Variants in CFAP65 observed in about 807,000 individuals in gnomAD.
The protein encoded by CFAP65 is cilia and flagella associated protein 65.
CFAP65 carries 155 observed loss-of-function variants against 208.0 expected under a neutral mutation model. The observed-to-expected ratio is 0.75, with a 90% CI of 0.65 to 0.85. CFAP65 has a LOEUF of 0.85. Among genes scored for constraint, CFAP65 ranks in the 40% least tolerant of loss-of-function variants. The probability of loss-of-function intolerance (pLI) is 0.00; values close to 1 mark genes in which losing one functional copy is unlikely to be tolerated. For missense variants in CFAP65, 2,294 were observed against 2,451.3 expected (o/e 0.94, Z 1.36); for synonymous variants, 970 against 986.3 (o/e 0.98, Z 0.31).
intron 15 of CFAP65, 67 bp from the exon 16 acceptor site, chr2:219,023,498 C>G: frequency 8.4e-7 from 1 of 1,196,340 alleles, no homozygotes; most frequent in Non-Finnish European, 1.2e-6. Flanking sequence ...CACAACATGT[C>G]CAGGAAGCCA....
rs1455346095 is a variant in CFAP65 at position 219,031,380 on chromosome 2, C to A, written c.816-75G>T. 1.2e-6 allele frequency: 2 copies of A among 1,603,752 alleles called. No individual in the cohort carries two copies. Among genetic ancestry groups the A allele is most frequent in the African/African-American group, 2.7e-5 (2 of 74,880 alleles). On this transcript the variant is annotated intron_variant, in intron 7 of 34. Coordinates refer to ENST00000341552, the MANE Select transcript of CFAP65 (RefSeq NM_194302.4). This position sits in a 1 kb window ranked among gnomAD's most constrained non-coding sequence, Gnocchi z 5.2. ...GCAGTAGCAAGTCAGGGATGCTGGG[C>A]AGAACCTCAGACTACCCTACCCCGA...
In CFAP65 at chr2:219,024,304, C is replaced by T. The variant is rs374287811; in HGVS notation, c.2350-44G>A. The T allele has an allele frequency of 6.4e-6, 10 of 1,572,376 alleles. No homozygotes were observed. In the Admixed American group the frequency reaches 1.6e-4, roughly 25 times the overall value. The stretch of plus-strand genomic sequence containing the variant: ...GAAAGCGGCCCCCCGCTCAGACCTC[C>T]ACCCTGGGACACACACTCAGGGCCC... On this transcript the variant is annotated intron_variant, in intron 14 of 34. Coordinates refer to ENST00000341552, the MANE Select transcript of CFAP65 (RefSeq NM_194302.4).
At chr2:219,015,874 G>A (rs987883796) in intron 21 of CFAP65, among the ~76,000 whole-genome samples, 19 of 152,132 alleles carry the variant, frequency 1.2e-4, no homozygotes, top group African/African-American at 4.1e-4. Context: ...AAAAGAATGC[G>A]TTAGATATAT....
rs1574539133 is a variant in CFAP65 at position 219,010,666 on chromosome 2, G to A, written c.4188C>T (p.Ala1396=). The change falls in exon 26 of 35, where the codon GCC becomes GCT. Residue 1396 remains alanine (A), a synonymous_variant. Coordinates refer to ENST00000341552, the MANE Select transcript of CFAP65 (RefSeq NM_194302.4). ...AGCCCACTCCCTGGAAGTGGATGAG[G>A]GCCGAGTTCCATCCCAGGATGTGTA... is the stretch of plus-strand genomic sequence containing the variant. The part of the protein sequence containing the change: ...VPIHILGWNS[A]LIHFQGVGYN... 1 of 1,610,532 alleles carries A rather than the reference G, an allele frequency of 6.2e-7. No individual in the cohort carries two copies. The highest frequency in any genetic ancestry group is 8.5e-7 in the Non-Finnish European group (1 of 1,178,920).
intron 4 of CFAP65, among the ~76,000 whole-genome samples, 160 bp from the exon 5 acceptor site, chr2:219,035,824 T>A (rs1031346759): frequency 1.3e-5 from 2 of 151,992 alleles, no homozygotes; most frequent in Admixed American, 1.3e-4. Flanking sequence ...CCCTTGGGGA[T>A]GGTCTGGAGA....
chr2:219,006,365 T>C lies in CFAP65; in HGVS notation c.4719+100A>G. ...CACTCATTGGCACTTTCATCCCTCC[T>C]TTCTGGGAGTCTGGTCCAGGGGTTG... On this transcript the variant is annotated intron_variant, in intron 30 of 34. Coordinates refer to ENST00000341552, the MANE Select transcript of CFAP65 (RefSeq NM_194302.4). The C allele has an allele frequency of 3.3e-6, 5 of 1,527,994 alleles. No homozygotes were observed. The South Asian group carries it at 3.4e-5, about 10-fold the overall frequency. The allele number at this position is 1,527,994 out of a possible 1,614,324, so 94.7% of individuals were successfully genotyped here.
In CFAP65 at chr2:219,032,320, C is replaced by T; in HGVS notation, c.645+150G>A. 1.6e-6 allele frequency: 1 copy of T among 621,222 alleles called. No homozygotes were observed. The highest frequency in any genetic ancestry group is 2.8e-6 in the Non-Finnish European group (1 of 358,272). The allele number at this position is 621,222 out of a possible 1,614,324, so 38.5% of individuals were successfully genotyped here. ...CTGTCTAATGAGATGAGGGGCTAAG[C>T]CCTTGACGGGGCCTCCCAAGCTGGA... On this transcript the variant is annotated intron_variant, in intron 6 of 34. Transcript: ENST00000341552. The surrounding 1 kb of genome is among the most constrained non-coding windows in gnomAD (Gnocchi z 5.5).
rs753249189 is a variant in CFAP65 at position 219,032,884 on chromosome 2, G to A, written c.543-312C>T. ...GGGTTACCCAGATTTTAAAGAGTCC[G>A]CAAGCACTGAGGTGGGGGAACCAAG... On this transcript the variant is annotated intron_variant, in intron 5 of 34. Coordinates refer to ENST00000341552, the MANE Select transcript of CFAP65 (RefSeq NM_194302.4). This position sits in a 1 kb window ranked among gnomAD's most constrained non-coding sequence, Gnocchi z 5.5. 6.6e-6 allele frequency among the ~76,000 whole-genome samples: 1 copy of A among 152,132 alleles called. No individual in the cohort carries two copies. Among genetic ancestry groups the A allele is most frequent in the Admixed American group, 6.5e-5 (1 of 15,278 alleles).
chr2:219,027,661 C>T lies in CFAP65; in HGVS notation c.2200G>A (p.Ala734Thr), dbSNP rs752227403. 11 of 1,613,818 alleles carry T rather than the reference C, an allele frequency of 6.8e-6. No homozygotes were observed. Among genetic ancestry groups the T allele is most frequent in the Admixed American group, 1.7e-5 (1 of 60,022 alleles). The change falls in exon 13 of 35, where the codon GCC becomes ACC. Residue 734 changes from alanine to threonine, a missense_variant. By Grantham distance (58) the Ala-to-Thr change is moderately conservative (BLOSUM62 0). Coordinates refer to ENST00000341552, the MANE Select transcript of CFAP65 (RefSeq NM_194302.4). ...CLYTVELEAF[A>T]IYKVLQSYSN... ...TTGCGTGCACACACCTTATAGATGG[C>T]GAAGGCTTCGAGCTCCACCGTGTAA... is the stretch of plus-strand genomic sequence containing the variant.
chr2:219,021,488 CT>C (rs1164467969), intron 18 of CFAP65, among the ~76,000 whole-genome samples: 1 of 152,190 alleles, frequency 6.6e-6, no homozygotes, highest in Non-Finnish European at 1.5e-5. Context: ...TTTTCCCCAC[CT>C]AGCAGCCCTG....
intron 27 of CFAP65, 140 bp downstream of exon 27, chr2:219,009,802 G>T: frequency 1.9e-6 from 1 of 528,258 alleles, no homozygotes; most frequent in Admixed American, 4.5e-5. Context: ...AGGGTGGGAT[G>T]GGATGGAGTG....
intron 5 of CFAP65, chr2:219,035,113 A>C (rs1400756315): frequency 8.4e-6 from 4 of 475,702 alleles, no homozygotes; most frequent in African/African-American, 8.0e-5. Flanking sequence ...AAAAAAAAAA[A>C]AAACCTTCAT....
At chr2:219,013,412 G>C in intron 23 of CFAP65, 43 bp from the exon 24 acceptor site, 1 of 1,552,010 alleles carries the variant, frequency 6.4e-7, no homozygotes, top group Non-Finnish European at 8.8e-7. Context: ...ACAGCCAGTG[G>C]AGATCTGGAC....
intron 14 of CFAP65, among the ~76,000 whole-genome samples, chr2:219,024,801 T>G (rs1401789720): frequency 6.6e-6 from 1 of 152,090 alleles, no homozygotes; most frequent in Non-Finnish European, 1.5e-5. Context: ...CCAGTTGTAG[T>G]GGCGTGCATC....
chr2:219,019,479 C>G lies in CFAP65; in HGVS notation c.3473+27G>C, dbSNP rs370399827. 4.2e-4 allele frequency: 672 copies of G among 1,590,650 alleles called. 1 individual carries two copies. The highest frequency in any genetic ancestry group is 5.4e-4 in the Non-Finnish European group (628 of 1,165,254). On this transcript the variant is annotated intron_variant, in intron 20 of 34. Coordinates refer to ENST00000341552, the MANE Select transcript of CFAP65 (RefSeq NM_194302.4). ...CCCTAGATAGGCCCTGCCCCCAGCC[C>G]CCACCCCCACTCCAGGCTCAGCTCA... is the stretch of plus-strand genomic sequence containing the variant.
rs1346916488 is a variant in CFAP65 at position 219,023,429 on chromosome 2, C to A, written c.2598G>T (p.Glu866Asp). The A allele has an allele frequency of 9.6e-6, 15 of 1,564,964 alleles. No homozygotes were observed. Among genetic ancestry groups the A allele is most frequent in the Admixed American group, 1.9e-5 (1 of 51,332 alleles). The change falls in exon 16 of 35, where the codon GAG becomes GAT. Residue 866 changes from glutamate (E) to aspartate (D), a missense_variant and splice_region_variant. Glu to Asp is a conservative substitution (Grantham distance 45, BLOSUM62 2). Coordinates refer to ENST00000341552, the MANE Select transcript of CFAP65 (RefSeq NM_194302.4). ...GCTCCTCCCGGCTGTACATGCTCAC[C>A]TCCTGGAGCCAGAGGAAGAAGGGCA... Reference protein sequence around the residue: ...QCNASPQYLKEVSMYSREEPL... With the variant: ...QCNASPQYLKDVSMYSREEPL...
intron 17 of CFAP65, 97 bp from the exon 18 acceptor site, chr2:219,022,027 C>G: frequency 6.4e-7 from 1 of 1,560,292 alleles, no homozygotes; most frequent in Non-Finnish European, 8.7e-7. Flanking sequence ...CAAGGAAGGG[C>G]AAGTTTGGGG....
chr2:219,028,505 A>G, intron 11 of CFAP65, 104 bp from the exon 12 acceptor site: 1 of 1,002,398 alleles, frequency 1.0e-6, no homozygotes, highest in Non-Finnish European at 1.5e-6. Flanking sequence ...AGGATAACAG[A>G]GGCAGTGGGG....
At chr2:219,006,634 G>A (rs1946017122) in intron 29 of CFAP65, 125 bp from the exon 30 acceptor site, 3 of 875,378 alleles carry the variant, frequency 3.4e-6, no homozygotes, top group East Asian at 2.6e-5. Context: ...AGAAGTTTGA[G>A]ACCTGCCTGG....
Sources: allele counts gnomAD v4.1 joint callset (sites outside exome capture counted in the v4.1 genomes callset), GRCh38; gene constraint gnomAD v4.1.1; non-coding constraint Gnocchi (gnomAD v3.1); transcripts MANE v1.5; gene names NCBI Gene and HGNC (gene_info 2026-07-23, HGNC 2026-07-21).